Variants in CDC42BPA observed in about 807,000 individuals in gnomAD.
The protein encoded by CDC42BPA is serine/threonine-protein kinase MRCK alpha.
A neutral mutation model predicts 223.5 loss-of-function variants in CDC42BPA; 80 were observed. The observed-to-expected ratio is 0.36, with a 90% CI of 0.30 to 0.43. CDC42BPA has a LOEUF of 0.43. Among genes scored for constraint, CDC42BPA ranks in the 20% least tolerant of loss-of-function variants. The probability of loss-of-function intolerance (pLI) is 1.00; values close to 1 mark genes in which losing one functional copy is unlikely to be tolerated. For missense variants in CDC42BPA, 1,743 were observed against 2,099.9 expected, an observed-to-expected ratio of 0.83 and a Z score of 3.32; for synonymous variants, 694 against 718.6, an observed-to-expected ratio of 0.97 and a Z score of 0.55.
chr1:227,156,143 TTTTATTTTTTA>T (rs1166975072), intron 6 of CDC42BPA, among the ~76,000 whole-genome samples: 3 of 15,634 alleles, frequency 1.9e-4, no homozygotes, highest in Non-Finnish European at 5.4e-4. Context: ...TTTTATTTAT[TTTTATTTTTTA>T]TTTATTTATT....
At chr1:227,129,308 G>T in intron 10 of CDC42BPA, 77 bp from the exon 11 acceptor site, 1 of 1,060,676 alleles carries the variant, frequency 9.4e-7, no homozygotes. Context: ...TATTTTTTTG[G>T]AGAGAAATTC....
chr1:227,097,861 A>G (rs896184532), intron 15 of CDC42BPA, among the ~76,000 whole-genome samples: 1 of 152,230 alleles, frequency 6.6e-6, no homozygotes, highest in African/African-American at 2.4e-5. Flanking sequence ...GGGAAGAATC[A>G]GAGAAGGGAT....
chr1:227,233,544 T>C (rs2102639), intron 2 of CDC42BPA, among the ~76,000 whole-genome samples: 14,926 of 152,258 alleles, frequency 0.098, 1,174 homozygotes, highest in East Asian at 0.36. Context: ...TTGTAACATA[T>C]ACCTATCAAA....
At chr1:227,159,856 G>T (rs908236408) in intron 6 of CDC42BPA, among the ~76,000 whole-genome samples, 2 of 151,820 alleles carry the variant, frequency 1.3e-5, no homozygotes, top group African/African-American at 4.8e-5. Context: ...GGGGGAGTGA[G>T]GGGGTGGGAG....
intron 1 of CDC42BPA, among the ~76,000 whole-genome samples, chr1:227,275,683 G>A (rs1045596209): frequency 2.7e-5 from 4 of 147,132 alleles, no homozygotes; most frequent in Non-Finnish European, 4.5e-5. Flanking sequence ...CCGCCATCTC[G>A]GCTCACTGCA....
intron 32 of CDC42BPA, among the ~76,000 whole-genome samples, chr1:227,022,569 TTA>T (rs1286683434): frequency 6.6e-6 from 1 of 152,226 alleles, no homozygotes; most frequent in East Asian, 1.9e-4. Context: ...AATGACTTTA[TTA>T]TATAGAAGAG....
At chr1:227,147,270 G>T in intron 7 of CDC42BPA, 89 bp downstream of exon 7, 1 of 910,290 alleles carries the variant, frequency 1.1e-6, no homozygotes, top group Non-Finnish European at 1.6e-6. Context: ...ATTGTTCACT[G>T]TTTTTAGAAA....
At chr1:227,192,161 T>G (rs565196021) in intron 5 of CDC42BPA, among the ~76,000 whole-genome samples, 2 of 152,250 alleles carry the variant, frequency 1.3e-5, no homozygotes, top group African/African-American at 4.8e-5. Flanking sequence ...TCAATACTAA[T>G]TAAATGAAAC....
intron 1 of CDC42BPA, among the ~76,000 whole-genome samples, chr1:227,278,350 G>GA (rs575199002): frequency 4.0e-4 from 61 of 152,220 alleles, no homozygotes; most frequent in African/African-American, 1.4e-3. Context: ...TCAAAACCTG[G>GA]AATTTATGAA....
chr1:227,117,725 A>T (rs969159890), intron 12 of CDC42BPA, among the ~76,000 whole-genome samples: 2 of 147,668 alleles, frequency 1.4e-5, no homozygotes, highest in African/African-American at 5.2e-5. Context: ...AGAATTTTTT[A>T]AAATCTCAGA....
intron 34 of CDC42BPA, among the ~76,000 whole-genome samples, chr1:227,010,598 T>C (rs1228456597): frequency 2.0e-5 from 3 of 152,196 alleles, no homozygotes; most frequent in African/African-American, 7.2e-5. Context: ...AAAACTTTTA[T>C]TAAACATAGA....
intron 1 of CDC42BPA, among the ~76,000 whole-genome samples, chr1:227,278,129 A>G (rs1687429532): frequency 6.6e-6 from 1 of 152,232 alleles, no homozygotes; most frequent in Non-Finnish European, 1.5e-5. Context: ...GACTGACTTT[A>G]GAGCCCAGGC....
intron 14 of CDC42BPA, among the ~76,000 whole-genome samples, chr1:227,109,740 T>G (rs1686595962): frequency 6.6e-6 from 1 of 151,830 alleles, no homozygotes; most frequent in Non-Finnish European, 1.5e-5. Flanking sequence ...TTTGAAACAT[T>G]TTTGTTAAAA....
At chr1:227,298,820 C>A (rs1691151638) in intron 1 of CDC42BPA, among the ~76,000 whole-genome samples, 1 of 152,108 alleles carries the variant, frequency 6.6e-6, no homozygotes, top group Non-Finnish European at 1.5e-5. Flanking sequence ...TGCCTTTTCA[C>A]TGAATTATAA....
intron 6 of CDC42BPA, among the ~76,000 whole-genome samples, chr1:227,157,095 C>A (rs1662963021): frequency 6.6e-6 from 1 of 152,140 alleles, no homozygotes; most frequent in African/African-American, 2.4e-5. Context: ...ATGTCATAAA[C>A]CCACATTACA....
intron 2 of CDC42BPA, among the ~76,000 whole-genome samples, chr1:227,251,874 CATTAT>C (rs1355273752): frequency 2.0e-5 from 3 of 151,982 alleles, no homozygotes; most frequent in African/African-American, 4.8e-5. Flanking sequence ...TTTTAAATTA[CATTAT>C]AACTCAATAA....
chr1:227,254,057 C>T lies in CDC42BPA; in HGVS notation c.270+7G>A, dbSNP rs754728958. Reference sequence around the variant, plus strand: ...AGCAGACCTTCTATCAAATCTTAATCTCTTACCTCCCCAAAAGCTCCTCGA... The same window carrying T: ...AGCAGACCTTCTATCAAATCTTAATTTCTTACCTCCCCAAAAGCTCCTCGA... On this transcript the variant is annotated splice_region_variant and intron_variant, in intron 2 of 36. Coordinates refer to ENST00000366766, the MANE Select transcript of CDC42BPA (RefSeq NM_001394014.1). 6.7e-7 allele frequency: 1 copy of T among 1,503,540 alleles called. No individual in the cohort carries two copies. The highest frequency in any genetic ancestry group is 9.2e-7 in the Non-Finnish European group (1 of 1,085,718). 93.1% of individuals were successfully genotyped at this position (1,503,540 alleles called of 1,614,324 possible).
rs146577446 is a variant in CDC42BPA, at chr1:227,153,658, T to C, written c.694-6099A>G. ...CTCAGAGAAAATGGACAATTTTCAT[T>C]GAAAAGACTATAACGTATTAAAACT... On this transcript the variant is annotated intron_variant, in intron 6 of 36. Transcript: ENST00000366766. 7.4e-3 allele frequency among the ~76,000 whole-genome samples: 1,119 copies of C among 151,994 alleles called. 10 individuals carry two copies. Among genetic ancestry groups the C allele is most frequent in the Non-Finnish European group, 9.4e-3 (638 of 67,816 alleles).
intron 17 of CDC42BPA, among the ~76,000 whole-genome samples, chr1:227,078,215 A>G (rs1399213075): frequency 6.6e-6 from 1 of 152,158 alleles, no homozygotes; most frequent in African/African-American, 2.4e-5. Flanking sequence ...TTAACTGATT[A>G]TTCCCACCCT....
Sources: allele counts gnomAD v4.1 joint callset (sites outside exome capture counted in the v4.1 genomes callset), GRCh38; gene constraint gnomAD v4.1.1; transcripts MANE v1.5; gene names NCBI Gene and HGNC (gene_info 2026-07-23, HGNC 2026-07-21).